JMJD1C: variants seen among roughly 807,000 people sequenced by gnomAD.
JMJD1C encodes jumonji domain-containing protein 1C.
JMJD1C carries 31 observed loss-of-function variants against 245.3 expected under a neutral mutation model. The ratio of observed to expected loss-of-function variants is 0.13; its 90% CI spans 0.09 to 0.17. JMJD1C has a LOEUF of 0.17. JMJD1C is among the 10% of genes least tolerant of loss of function. JMJD1C has a pLI of 1.00. For synonymous variants in JMJD1C, 1,057 were observed against 1,017.4 expected (o/e 1.04, Z -0.74); for missense variants, 2,691 against 3,000.2 (o/e 0.90, Z 2.41).
intron 1 of JMJD1C, chr10:63,521,546 A>T: frequency 7.0e-7 from 1 of 1,426,710 alleles, no homozygotes; most frequent in Non-Finnish European, 9.3e-7. Context: ...CCCCGTGAAG[A>T]TGGTGTCCTG....
At chr10:63,371,639 T>C (rs1489011233) in intron 2 of JMJD1C, among the ~76,000 whole-genome samples, 2 of 151,880 alleles carry the variant, frequency 1.3e-5, no homozygotes, top group Admixed American at 1.3e-4. Context: ...AAGACTAGAA[T>C]TAATGAATCA....
intron 2 of JMJD1C, 22 bp downstream of exon 2, chr10:63,380,296 A>G (rs760412196): frequency 6.2e-7 from 1 of 1,612,132 alleles, no homozygotes; most frequent in East Asian, 2.2e-5. Flanking sequence ...AAAATGCTTA[A>G]TGAAACAGGA....
chr10:63,397,558 G>A, intron 1 of JMJD1C, among the ~76,000 whole-genome samples: 1 of 149,606 alleles, frequency 6.7e-6, no homozygotes, highest in South Asian at 2.1e-4. Flanking sequence ...TTTTGAACAG[G>A]ATCTCACTCT....
intron 1 of JMJD1C, among the ~76,000 whole-genome samples, chr10:63,392,866 A>AC (rs1491275361): frequency 9.9e-5 from 10 of 100,650 alleles, no homozygotes; most frequent in Non-Finnish European, 1.5e-4. Context: ...AAAAGTACAT[A>AC]AACACACACA....
rs549425650 is a variant in JMJD1C at position 63,398,711 on chromosome 10, T to G, written c.169-18229A>C. On this transcript the variant is annotated intron_variant, in intron 1 of 25. Coordinates refer to ENST00000399262, the MANE Select transcript of JMJD1C (RefSeq NM_032776.3). ...CAAGCTGGAGGGCAGTGGCGCAATCTCGGCTCACTGCAACCTCCACCTCCC... is the reference window on the plus strand; with the variant it reads ...CAAGCTGGAGGGCAGTGGCGCAATCGCGGCTCACTGCAACCTCCACCTCCC... Among the ~76,000 whole-genome samples, 690 of 151,988 alleles carry G rather than the reference T, an allele frequency of 4.5e-3. 2 individuals carry two copies. The highest frequency in any genetic ancestry group is 7.3e-3 in the Non-Finnish European group (493 of 67,986).
At chr10:63,400,760 C>T (rs1437619501) in intron 1 of JMJD1C, among the ~76,000 whole-genome samples, 1 of 152,010 alleles carries the variant, frequency 6.6e-6, no homozygotes, top group African/African-American at 2.4e-5. Context: ...CGGGGTTTCA[C>T]TATGTTTTTC....
At chr10:63,201,016 C>T (rs1242733931) in intron 10 of JMJD1C, among the ~76,000 whole-genome samples, 1 of 152,126 alleles carries the variant, frequency 6.6e-6, no homozygotes, top group Non-Finnish European at 1.5e-5. Flanking sequence ...ATATCAATAA[C>T]TGAAAATACA....
chr10:63,295,933 G>T (rs1219119820), intron 2 of JMJD1C, among the ~76,000 whole-genome samples: 1 of 55,430 alleles, frequency 1.8e-5, no homozygotes, highest in African/African-American at 8.3e-5. Flanking sequence ...ATGTACATGT[G>T]TATACATATA....
rs199920148 is a variant in JMJD1C, at chr10:63,191,119, A to T, written c.6077-11T>A. 4.0e-5 allele frequency: 64 copies of T among 1,593,932 alleles called. 1 individual carries two copies. In the Admixed American group the frequency reaches 1.0e-3, roughly 25 times the overall value. On this transcript the variant is annotated splice_polypyrimidine_tract_variant and intron_variant, in intron 16 of 25. Coordinates refer to ENST00000399262, the MANE Select transcript of JMJD1C (RefSeq NM_032776.3). ...TAAGTTCTTTGTTTTCTGAAATAGA[A>T]AATTTCACAGATTTTGTTTTGTTTT...
intron 2 of JMJD1C, among the ~76,000 whole-genome samples, chr10:63,309,839 C>T (rs948142716): frequency 5.3e-5 from 8 of 152,124 alleles, no homozygotes; most frequent in African/African-American, 1.7e-4. Flanking sequence ...ATCACTTGAA[C>T]CCGAGAGGTG....
chr10:63,310,698 T>C (rs1248043917), intron 2 of JMJD1C, among the ~76,000 whole-genome samples: 4 of 152,204 alleles, frequency 2.6e-5, no homozygotes, highest in Non-Finnish European at 2.9e-5. Flanking sequence ...GGAAATGATA[T>C]ATGTGATATA....
chr10:63,222,666 G>C, intron 3 of JMJD1C: 1 of 1,532,768 alleles, frequency 6.5e-7, no homozygotes, highest in East Asian at 2.3e-5. Context: ...TGTGTAGAGG[G>C]AGTGGTGCAT....
intron 1 of JMJD1C, among the ~76,000 whole-genome samples, chr10:63,478,170 C>T (rs1198074326): frequency 1.3e-5 from 2 of 151,766 alleles, no homozygotes; most frequent in East Asian, 3.9e-4. Flanking sequence ...GAGGAACAAT[C>T]AGAACTCTCA....
intron 2 of JMJD1C, among the ~76,000 whole-genome samples, chr10:63,355,225 G>T (rs1383307399): frequency 1.3e-5 from 2 of 151,914 alleles, no homozygotes; most frequent in African/African-American, 4.8e-5. Context: ...CAAAATCAGG[G>T]AGGCCCCTGA....
intron 3 of JMJD1C, among the ~76,000 whole-genome samples, chr10:63,240,007 T>C (rs1446212513): frequency 2.0e-5 from 3 of 152,224 alleles, no homozygotes; most frequent in East Asian, 1.9e-4. Flanking sequence ...TATTACATTG[T>C]ATATCACACT....
intron 2 of JMJD1C, among the ~76,000 whole-genome samples, chr10:63,334,779 G>C (rs1303674435): frequency 6.7e-6 from 1 of 149,390 alleles, no homozygotes; most frequent in African/African-American, 2.5e-5. Flanking sequence ...CGTGATCTCA[G>C]CTTACTGCAA....
At chr10:63,300,450 A>T (rs917053067) in intron 2 of JMJD1C, among the ~76,000 whole-genome samples, 7 of 152,214 alleles carry the variant, frequency 4.6e-5, no homozygotes, top group Non-Finnish European at 1.0e-4. Flanking sequence ...GAGCTTGAAA[A>T]AAGAAAAATG....
intron 2 of JMJD1C, among the ~76,000 whole-genome samples, chr10:63,323,412 C>T (rs957329165): frequency 7.7e-6 from 1 of 130,640 alleles, no homozygotes; most frequent in Admixed American, 7.8e-5. Flanking sequence ...CCCAGCAACT[C>T]GGGAGGGTGA....
intron 1 of JMJD1C, among the ~76,000 whole-genome samples, chr10:63,456,185 T>C (rs769980482): frequency 6.6e-6 from 1 of 152,090 alleles, no homozygotes; most frequent in Non-Finnish European, 1.5e-5. Context: ...TATTAAAATA[T>C]GATCAGAGAT....
Sources: allele counts gnomAD v4.1 joint callset (sites outside exome capture counted in the v4.1 genomes callset), GRCh38; gene constraint gnomAD v4.1.1; transcripts MANE v1.5; gene names NCBI Gene and HGNC (gene_info 2026-07-23, HGNC 2026-07-21).